The following SPECC1 variants were observed in gnomAD, a reference collection of about 807,000 sequenced individuals.
SPECC1 encodes sperm antigen with calponin homology and coiled-coil domains 1, also known as cytospin-B.
Under a neutral mutation model 104.1 loss-of-function variants are expected in SPECC1, and 62 were observed. The ratio of observed to expected loss-of-function variants is 0.60; its 90% CI spans 0.49 to 0.74. The LOEUF is 0.74. Among genes scored for constraint, SPECC1 ranks in the 30% least tolerant of loss-of-function variants. The probability of loss-of-function intolerance (pLI) is 0.00; values close to 1 mark genes in which losing one functional copy is unlikely to be tolerated. For synonymous variants in SPECC1, 513 were observed against 501.6 expected, an observed-to-expected ratio of 1.02 and a Z score of -0.30; for missense variants, 1,306 against 1,310.5, an observed-to-expected ratio of 1.00 and a Z score of 0.05.
intron 1 of SPECC1, among the ~76,000 whole-genome samples, chr17:20,066,684 A>G (rs1316923247): frequency 1.3e-5 from 2 of 152,224 alleles, no homozygotes; most frequent in African/African-American, 4.8e-5. Flanking sequence ...TTTCTGCAAT[A>G]TAAGCCATGA....
chr17:20,021,790 C>T (rs2152434158), intron 1 of SPECC1, among the ~76,000 whole-genome samples: 1 of 147,664 alleles, frequency 6.8e-6, no homozygotes, highest in East Asian at 2.0e-4. Flanking sequence ...CCCGCCTTGG[C>T]CTCCCAAAGT....
chr17:20,198,499 A>G (rs963703351), intron 3 of SPECC1, among the ~76,000 whole-genome samples: 5 of 152,254 alleles, frequency 3.3e-5, no homozygotes, highest in African/African-American at 1.2e-4. Flanking sequence ...AAAGTTCCCC[A>G]TGTCCCATAG....
intron 1 of SPECC1, among the ~76,000 whole-genome samples, chr17:20,074,408 C>T (rs1052788670): frequency 6.6e-6 from 1 of 152,136 alleles, no homozygotes; most frequent in Non-Finnish European, 1.5e-5. Context: ...TTGTTTTTCC[C>T]CCACATCCCA....
chr17:20,042,240 G>C (rs2045358919), intron 1 of SPECC1, among the ~76,000 whole-genome samples: 1 of 152,178 alleles, frequency 6.6e-6, no homozygotes, highest in Admixed American at 6.5e-5. Context: ...GGGGACCCCT[G>C]TTGCTGCTGG....
chr17:20,122,342 A>T (rs994751768), intron 3 of SPECC1, among the ~76,000 whole-genome samples: 3 of 152,190 alleles, frequency 2.0e-5, no homozygotes, highest in African/African-American at 7.2e-5. Flanking sequence ...TGGGGTAAGC[A>T]GACCAGCTTG....
At chr17:20,154,576 C>CTTGGA (rs1217501085) in intron 3 of SPECC1, among the ~76,000 whole-genome samples, 1 of 152,148 alleles carries the variant, frequency 6.6e-6, no homozygotes, top group Non-Finnish European at 1.5e-5. Context: ...TATTCAGGGC[C>CTTGGA]TTGGAGGCCA....
intron 3 of SPECC1, among the ~76,000 whole-genome samples, chr17:20,131,122 T>C (rs1237519865): frequency 6.6e-6 from 1 of 152,244 alleles, no homozygotes; most frequent in Non-Finnish European, 1.5e-5. Context: ...GAGGATTTTT[T>C]GTTTGTTTTA....
intron 12 of SPECC1, among the ~76,000 whole-genome samples, chr17:20,267,655 C>A (rs527995760): frequency 2.6e-5 from 4 of 152,126 alleles, no homozygotes; most frequent in Non-Finnish European, 4.4e-5. Context: ...TGAGAAGGAG[C>A]CAAGAAGGGC....
intron 3 of SPECC1, among the ~76,000 whole-genome samples, chr17:20,129,179 TTGTTTTTTTTTG>T (rs2049472464): frequency 6.6e-6 from 1 of 151,484 alleles, no homozygotes; most frequent in Non-Finnish European, 1.5e-5. Flanking sequence ...CTGGCCTGTT[TTGTTTTTTTTTG>T]TTTTTTTTTT....
intron 7 of SPECC1, among the ~76,000 whole-genome samples, chr17:20,243,712 T>C (rs967469017): frequency 6.6e-6 from 1 of 152,224 alleles, no homozygotes; most frequent in African/African-American, 2.4e-5. Flanking sequence ...ACCTGAAGCC[T>C]GAGGTAATTG....
intron 9 of SPECC1, among the ~76,000 whole-genome samples, chr17:20,248,547 ATTT>A (rs1367347834): frequency 6.6e-6 from 1 of 152,176 alleles, no homozygotes; most frequent in African/African-American, 2.4e-5. Context: ...TTTTCCAAGA[ATTT>A]TGACACTGTC....
intron 12 of SPECC1, among the ~76,000 whole-genome samples, chr17:20,276,470 T>C (rs548234483): frequency 6.6e-6 from 1 of 152,364 alleles, no homozygotes; most frequent in African/African-American, 2.4e-5. Context: ...TTATGTCTTA[T>C]AAATAGTTTG....
At chr17:20,206,830 A>T (rs754757783) in intron 4 of SPECC1, among the ~76,000 whole-genome samples, 1 of 152,200 alleles carries the variant, frequency 6.6e-6, no homozygotes, top group Non-Finnish European at 1.5e-5. Flanking sequence ...TCATGAGATC[A>T]TGAGCTTTCC....
chr17:20,195,457 A>G (rs2035967983), intron 3 of SPECC1, among the ~76,000 whole-genome samples: 1 of 152,242 alleles, frequency 6.6e-6, no homozygotes, highest in Non-Finnish European at 1.5e-5. Context: ...AGTCCAAAGA[A>G]AGCAAAACAC....
At chr17:20,299,542 A>G (rs961696719) in intron 13 of SPECC1, among the ~76,000 whole-genome samples, 5 of 143,456 alleles carry the variant, frequency 3.5e-5, no homozygotes, top group African/African-American at 1.3e-4. Flanking sequence ...CCTGGGTGAC[A>G]GAGACCCTGT....
At chr17:20,029,958 A>G (rs1273118005) in intron 1 of SPECC1, among the ~76,000 whole-genome samples, 1 of 152,116 alleles carries the variant, frequency 6.6e-6, no homozygotes, top group African/African-American at 2.4e-5. Flanking sequence ...TGATATAGCT[A>G]CAAGCCAAGG....
intron 3 of SPECC1, among the ~76,000 whole-genome samples, chr17:20,120,523 T>C (rs2048975352): frequency 6.6e-6 from 1 of 152,240 alleles, no homozygotes; most frequent in Non-Finnish European, 1.5e-5. Flanking sequence ...GGGGGACTTC[T>C]GGCAATATAT....
chr17:20,033,839 C>T (rs72841999), intron 1 of SPECC1, among the ~76,000 whole-genome samples: 8,305 of 152,248 alleles, frequency 0.055, 297 homozygotes, highest in Non-Finnish European at 0.08. Flanking sequence ...CATTAACACC[C>T]TAACAGGGTT....
intron 3 of SPECC1, among the ~76,000 whole-genome samples, chr17:20,161,902 C>G (rs1206190075): frequency 1.3e-5 from 2 of 150,938 alleles, no homozygotes; most frequent in Non-Finnish European, 2.9e-5. Flanking sequence ...TCAAGAGATT[C>G]TCCTGCCTCA....
Sources: gnomAD v4.1 joint callset for allele counts (sites outside exome capture counted in the v4.1 genomes callset) on GRCh38, gnomAD v4.1.1 for gene constraint, MANE v1.5 for transcripts, NCBI Gene and HGNC (gene_info 2026-07-23, HGNC 2026-07-21) for gene names.